UBE2D4: variants seen among roughly 807,000 people sequenced by gnomAD.
UBE2D4 encodes the protein ubiquitin-conjugating enzyme E2 D4.
Under a neutral mutation model 23.0 loss-of-function variants are expected in UBE2D4, and 17 were observed. The ratio of observed to expected loss-of-function variants is 0.74; its 90% confidence interval spans 0.51 to 1.11. UBE2D4 has a LOEUF of 1.11. UBE2D4 is among the 50% of genes least tolerant of loss of function. The pLI is 0.00. For missense variants in UBE2D4, 139 were observed against 181.8 expected (o/e 0.76, Z 1.35); for synonymous variants, 61 against 69.4 (o/e 0.88, Z 0.60).
At chr7:43,947,546 T>C (rs953436212) in intron 4 of UBE2D4, among the ~76,000 whole-genome samples, 1 of 152,248 alleles carries the variant, frequency 6.6e-6, no homozygotes, top group Non-Finnish European at 1.5e-5. Flanking sequence ...TAGTATTCCA[T>C]GGTGTATATA....
At chr7:43,931,790 T>A (rs1264872715) in intron 1 of UBE2D4, among the ~76,000 whole-genome samples, 2 of 151,238 alleles carry the variant, frequency 1.3e-5, no homozygotes, top group Admixed American at 6.6e-5. Flanking sequence ...CCTCCGTCTC[T>A]CTGGTTCAAC....
chr7:43,952,584 G>A, intron 6 of UBE2D4, 66 bp from the exon 7 acceptor site: 2 of 1,400,986 alleles, frequency 1.4e-6, no homozygotes, highest in Non-Finnish European at 2.0e-6. Flanking sequence ...CCTGTTCTCT[G>A]CAGCACATTG....
intron 1 of UBE2D4, among the ~76,000 whole-genome samples, chr7:43,933,007 T>TACACACACAC (rs1562597637): frequency 3.9e-5 from 5 of 129,730 alleles, no homozygotes; most frequent in African/African-American, 1.5e-4. Flanking sequence ...TATATATATA[T>TACACACACAC]ATATATACAC....
intron 1 of UBE2D4, among the ~76,000 whole-genome samples, chr7:43,933,058 CATAT>C (rs1228752936): frequency 3.0e-5 from 4 of 132,084 alleles, no homozygotes; most frequent in African/African-American, 1.2e-4. Context: ...ATATATATAA[CATAT>C]ATACACACAT....
At position 43,951,777 on chromosome 7, in the gene UBE2D4, C is replaced by G. The variant is rs1260787103; in HGVS notation, c.399-873C>G. The G allele has an allele frequency of 2.0e-5, 3 of 152,156 alleles. 1 individual carries two copies. In the East Asian group the frequency reaches 5.8e-4, roughly 29 times the overall value. 9.4% of individuals were successfully genotyped at this position (152,156 alleles called of 1,614,324 possible). On this transcript the variant is annotated intron_variant, in intron 6 of 6. Transcript: ENST00000222402. ...GACTCGAGCAATCTGCCCACCTAGG[C>G]CACCCAAAGTGCTGGGATTATAGGC...
chr7:43,929,823 C>CT (rs1468785849), intron 1 of UBE2D4, among the ~76,000 whole-genome samples: 18 of 152,202 alleles, frequency 1.2e-4, no homozygotes, highest in Admixed American at 1.1e-3. Context: ...TGGGGAAAAA[C>CT]AACAGAATTG....
chr7:43,952,770 G>T lies in UBE2D4; in HGVS notation c.*75G>T, dbSNP rs1230007507. 6.3e-6 allele frequency: 8 copies of T among 1,269,856 alleles called. No homozygotes were observed. 78.7% of individuals were successfully genotyped at this position (1,269,856 alleles called of 1,614,324 possible). A position where few individuals can be genotyped will look rare whatever the true frequency, so the allele number is the denominator to read the frequency against. ...AGGTCTTCCCTTAAAACTTTGGGCT[G>T]TTGGCTGAGCCATTCAAAGAGCATC... On this transcript the variant is annotated 3_prime_UTR_variant, in exon 7 of 7. Coordinates refer to ENST00000222402, the MANE Select transcript of UBE2D4 (RefSeq NM_015983.4).
chr7:43,952,565 C>G, intron 6 of UBE2D4, 85 bp from the exon 7 acceptor site: 1 of 1,204,018 alleles, frequency 8.3e-7, no homozygotes, highest in Middle Eastern at 1.9e-4. Context: ...CAGCATTCCC[C>G]ACATCAGTCC....
intron 4 of UBE2D4, among the ~76,000 whole-genome samples, chr7:43,946,905 G>C (rs2095988682): frequency 6.6e-6 from 1 of 151,824 alleles, no homozygotes; most frequent in Non-Finnish European, 1.5e-5. Context: ...TATACTTTAA[G>C]TTCTAGGGTA....
intron 1 of UBE2D4, among the ~76,000 whole-genome samples, chr7:43,934,833 C>T (rs1477980087): frequency 2.6e-5 from 4 of 152,134 alleles, no homozygotes; most frequent in Non-Finnish European, 5.9e-5. Flanking sequence ...AAATCTTTCA[C>T]AAATCACTAA....
At chr7:43,951,276 G>A (rs2096001918) in intron 6 of UBE2D4, among the ~76,000 whole-genome samples, 1 of 152,206 alleles carries the variant, frequency 6.6e-6, no homozygotes, top group Non-Finnish European at 1.5e-5. Context: ...CACATGCACT[G>A]TAGCATGAGG....
chr7:43,933,068 CACAT>C (rs1002845702), intron 1 of UBE2D4, among the ~76,000 whole-genome samples: 4 of 145,234 alleles, frequency 2.8e-5, no homozygotes, highest in African/African-American at 5.1e-5. Context: ...CATATATACA[CACAT>C]ATATATACAC....
In UBE2D4 at chr7:43,953,149, C is replaced by T. The variant is rs758178204; in HGVS notation, c.*454C>T. On this transcript the variant is annotated 3_prime_UTR_variant, in exon 7 of 7. Transcript: ENST00000222402. ...TGCCCAGGGCAGAGCAGGCTTTGTT[C>T]GCACCTCATCTGCTGCAGAACCACA... 3.8e-4 allele frequency: 173 copies of T among 456,854 alleles called. 1 individual carries two copies. Among genetic ancestry groups the T allele is most frequent in the South Asian group, 1.1e-3 (69 of 64,576 alleles). The allele number at this position is 456,854 out of a possible 1,614,324, so 28.3% of individuals were successfully genotyped here.
chr7:43,927,144 G>A (rs2095933332), intron 1 of UBE2D4, among the ~76,000 whole-genome samples: 1 of 152,116 alleles, frequency 6.6e-6, no homozygotes, highest in African/African-American at 2.4e-5. Context: ...GTAGAAGAAA[G>A]AAGTATTTCT....
chr7:43,952,696 G>C lies in UBE2D4; in HGVS notation c.*1G>C, dbSNP rs748496899. The C allele has an allele frequency of 1.2e-6, 2 of 1,613,008 alleles. No homozygotes were observed. Among genetic ancestry groups the C allele is most frequent in the African/African-American group, 1.3e-5 (1 of 74,896 alleles). On this transcript the variant is annotated 3_prime_UTR_variant, in exon 7 of 7. Transcript: ENST00000222402. The stretch of plus-strand genomic sequence containing the variant: ...GTGGACACAAAAATATGCTATGTAA[G>C]TGCCTTGGAGGTTTTACATGAGACA...
intron 1 of UBE2D4, among the ~76,000 whole-genome samples, chr7:43,930,166 A>G (rs1008028341): frequency 6.6e-6 from 1 of 152,182 alleles, no homozygotes; most frequent in Non-Finnish European, 1.5e-5. Flanking sequence ...ATTATGTCTC[A>G]TGCTCATTCC....
At position 43,944,623 on chromosome 7, in the gene UBE2D4, T is replaced by G. The variant is rs1393196907; in HGVS notation, c.198+1592T>G. ...GAGCATTTTAAATCTTTGTTAAATA[T>G]GCTTAGGATCCCAGAGACCTTTTAA... On this transcript the variant is annotated intron_variant, in intron 4 of 6. Coordinates refer to ENST00000222402, the MANE Select transcript of UBE2D4 (RefSeq NM_015983.4). This position sits in a 1 kb window ranked among gnomAD's most constrained non-coding sequence, Gnocchi z 4.0. The G allele has an allele frequency of 6.6e-6, 1 of 152,240 alleles. No individual in the cohort carries two copies. Among genetic ancestry groups the G allele is most frequent in the East Asian group, 1.9e-4 (1 of 5,196 alleles). The allele number at this position is 152,240 out of a possible 1,614,324, so 9.4% of individuals were successfully genotyped here. A position where few individuals can be genotyped will look rare whatever the true frequency, so the allele number is the denominator to read the frequency against.
rs1407933776 is a variant in UBE2D4 at position 43,952,930 on chromosome 7, G to C, written c.*235G>C. On this transcript the variant is annotated 3_prime_UTR_variant, in exon 7 of 7. Transcript: ENST00000222402. ...GCAACCATTGTTGTTATGATCTGCAGTCTTCCTGGTGACACTGGAATCTCT... is the reference window on the plus strand; with the variant it reads ...GCAACCATTGTTGTTATGATCTGCACTCTTCCTGGTGACACTGGAATCTCT... 3.2e-5 allele frequency: 15 copies of C among 471,574 alleles called. No individual in the cohort carries two copies. Among genetic ancestry groups the C allele is most frequent in the Non-Finnish European group, 5.5e-5 (14 of 253,080 alleles). 29.2% of individuals were successfully genotyped at this position (471,574 alleles called of 1,614,324 possible).
chr7:43,931,864 T>C (rs2095946465), intron 1 of UBE2D4, among the ~76,000 whole-genome samples: 1 of 152,152 alleles, frequency 6.6e-6, no homozygotes. Context: ...TTTTTTTGTA[T>C]TTTTAGTAGA....
Sources: allele counts gnomAD v4.1 joint callset (sites outside exome capture counted in the v4.1 genomes callset), GRCh38; gene constraint gnomAD v4.1.1; non-coding constraint Gnocchi (gnomAD v3.1); transcripts MANE v1.5; gene names NCBI Gene and HGNC (gene_info 2026-07-23, HGNC 2026-07-21).